RAI14: variants seen among roughly 807,000 people sequenced by gnomAD.
The protein encoded by RAI14 is retinoic acid induced 14.
In RAI14, 45 loss-of-function variants were observed where a neutral mutation model predicts 115.4. The observed-to-expected ratio is 0.39, with a 90% CI of 0.31 to 0.50. The LOEUF (loss-of-function observed/expected upper bound fraction) is 0.50. Among genes scored for constraint, RAI14 ranks in the 20% least tolerant of loss-of-function variants. The pLI, the probability that RAI14 is intolerant of heterozygous loss-of-function variation, is 0.85. For missense variants in RAI14, 939 were observed against 1,131.2 expected, an observed-to-expected ratio of 0.83 and a Z score of 2.44; for synonymous variants, 371 against 415.4, an observed-to-expected ratio of 0.89 and a Z score of 1.30.
Position 34,777,461 on chromosome 5 carries a change from C to A in RAI14, c.168-18478C>A, listed in dbSNP as rs1299515743. ...ACATGTTCTCACTAACATGTGGGAA[C>A]CAAAAAAACAAACAAAAACAACAAA... On this transcript the variant is annotated intron_variant, in intron 3 of 17. Transcript: ENST00000265109. 2.0e-5 allele frequency among the ~76,000 whole-genome samples: 3 copies of A among 151,914 alleles called. No homozygotes were observed. The East Asian group carries it at 5.8e-4, about 29-fold the overall frequency.
chr5:34,670,855 A>G (rs11741526), intron 1 of RAI14, among the ~76,000 whole-genome samples: 1 of 152,248 alleles, frequency 6.6e-6, no homozygotes, highest in South Asian at 2.1e-4. Flanking sequence ...TGTTGCTTCA[A>G]CCGTAATCTA....
chr5:34,670,121 G>A (rs1395389572), intron 1 of RAI14, among the ~76,000 whole-genome samples: 1 of 152,220 alleles, frequency 6.6e-6, no homozygotes, highest in Non-Finnish European at 1.5e-5. Context: ...TGGTCCATTC[G>A]TATTTCCTAG....
intron 2 of RAI14, among the ~76,000 whole-genome samples, chr5:34,714,518 A>G (rs988221370): frequency 2.0e-5 from 3 of 152,190 alleles, no homozygotes. Context: ...GCTGGAGTCA[A>G]TGTCATATGA....
At chr5:34,786,226 G>T (rs911164546) in intron 3 of RAI14, among the ~76,000 whole-genome samples, 1 of 152,172 alleles carries the variant, frequency 6.6e-6, no homozygotes, top group Admixed American at 6.5e-5. Flanking sequence ...GATCTGGGGG[G>T]GTGTATCCTA....
chr5:34,711,984 C>T (rs530573827), intron 2 of RAI14, among the ~76,000 whole-genome samples: 22 of 152,054 alleles, frequency 1.4e-4, no homozygotes, highest in Non-Finnish European at 2.6e-4. Flanking sequence ...TGCTTGCTGC[C>T]GTCTTGAACC....
chr5:34,667,632 T>A (rs779332565), intron 1 of RAI14, among the ~76,000 whole-genome samples: 2 of 152,172 alleles, frequency 1.3e-5, no homozygotes, highest in Non-Finnish European at 2.9e-5. Flanking sequence ...ATATTTACCA[T>A]CCAGAATTTC....
chr5:34,723,582 C>T (rs963838350), intron 2 of RAI14, among the ~76,000 whole-genome samples: 1 of 152,128 alleles, frequency 6.6e-6, no homozygotes, highest in Non-Finnish European at 1.5e-5. Context: ...AATAACTGCA[C>T]CGTAGTTTAG....
chr5:34,808,006 A>C (rs1479572333), intron 6 of RAI14, 149 bp downstream of exon 6: 4 of 704,956 alleles, frequency 5.7e-6, no homozygotes, highest in East Asian at 2.6e-5. Flanking sequence ...TGTTTGTAAA[A>C]CATACACAGT....
At chr5:34,786,170 A>G (rs1326584126) in intron 3 of RAI14, among the ~76,000 whole-genome samples, 1 of 152,190 alleles carries the variant, frequency 6.6e-6, no homozygotes, top group Non-Finnish European at 1.5e-5. Flanking sequence ...CCATTTCCCA[A>G]ATTTAAAAGG....
chr5:34,676,449 GA>G (rs1218101274), intron 1 of RAI14, among the ~76,000 whole-genome samples: 1 of 152,204 alleles, frequency 6.6e-6, no homozygotes, highest in Non-Finnish European at 1.5e-5. Context: ...GTCCTAGAGT[GA>G]TTTTTATATT....
chr5:34,778,419 G>A (rs972413994), intron 3 of RAI14, among the ~76,000 whole-genome samples: 1 of 152,192 alleles, frequency 6.6e-6, no homozygotes, highest in Non-Finnish European at 1.5e-5. Flanking sequence ...CCCTGGCCGG[G>A]CATGGTGGCT....
intron 2 of RAI14, among the ~76,000 whole-genome samples, chr5:34,722,764 T>G (rs371522961): frequency 1.3e-5 from 2 of 150,874 alleles, no homozygotes; most frequent in African/African-American, 2.4e-5. Flanking sequence ...GAGAATCACT[T>G]GAACCAGGGA....
At chr5:34,799,384 C>G (rs1561050441) in intron 4 of RAI14, among the ~76,000 whole-genome samples, 1 of 152,076 alleles carries the variant, frequency 6.6e-6, no homozygotes, top group Non-Finnish European at 1.5e-5. Flanking sequence ...CACTTTATTA[C>G]TGAGATGCAG....
chr5:34,697,248 C>T (rs1739368161), intron 2 of RAI14, among the ~76,000 whole-genome samples: 1 of 152,022 alleles, frequency 6.6e-6, no homozygotes, highest in African/African-American at 2.4e-5. Context: ...ACCAGCCTGA[C>T]CAACATGGAG....
At chr5:34,820,444 A>C (rs1228101796) in intron 13 of RAI14, among the ~76,000 whole-genome samples, 1 of 151,692 alleles carries the variant, frequency 6.6e-6, no homozygotes, top group Non-Finnish European at 1.5e-5. Context: ...GCTATTACAT[A>C]AAATTATTGA....
chr5:34,739,262 C>T (rs1426215890), intron 2 of RAI14, among the ~76,000 whole-genome samples: 1 of 152,138 alleles, frequency 6.6e-6, no homozygotes, highest in Non-Finnish European at 1.5e-5. Context: ...CTCTTATTAT[C>T]TCGTGTCTTG....
At chr5:34,711,130 A>G (rs1341479024) in intron 2 of RAI14, among the ~76,000 whole-genome samples, 1 of 152,212 alleles carries the variant, frequency 6.6e-6, no homozygotes, top group Non-Finnish European at 1.5e-5. Context: ...CATAGGTTTC[A>G]TGCGCGTCCG....
At chr5:34,798,031 T>C (rs904110387) in intron 4 of RAI14, among the ~76,000 whole-genome samples, 10 of 152,186 alleles carry the variant, frequency 6.6e-5, no homozygotes, top group African/African-American at 2.4e-4. Context: ...TTTTTGTGTG[T>C]GTTTTTTTGT....
chr5:34,734,399 C>T (rs1274557822), intron 2 of RAI14, among the ~76,000 whole-genome samples: 1 of 152,142 alleles, frequency 6.6e-6, no homozygotes, highest in Non-Finnish European at 1.5e-5. Flanking sequence ...GGTATATGAC[C>T]CCCCTCTTTC....
Sources: gnomAD v4.1 joint callset for allele counts (sites outside exome capture counted in the v4.1 genomes callset) on GRCh38, gnomAD v4.1.1 for gene constraint, MANE v1.5 for transcripts, NCBI Gene and HGNC (gene_info 2026-07-23, HGNC 2026-07-21) for gene names.